The following PCDHA2 variants were observed in gnomAD, a reference collection of about 807,000 sequenced individuals.
PCDHA2 encodes protocadherin alpha-2.
PCDHA2 carries 58 observed loss-of-function variants against 66.0 expected under a neutral mutation model. The observed-to-expected ratio is 0.88, with a 90% CI of 0.71 to 1.09. PCDHA2 has a LOEUF of 1.09. Among genes scored for constraint, PCDHA2 ranks in the 50% least tolerant of loss-of-function variants. The pLI, the probability that PCDHA2 is intolerant of heterozygous loss-of-function variation, is 0.00. For synonymous variants in PCDHA2, 634 were observed against 554.0 expected (o/e 1.14, Z -2.03); for missense variants, 1,267 against 1,242.3 (o/e 1.02, Z -0.30).
intron 1 of PCDHA2, among the ~76,000 whole-genome samples, chr5:140,906,185 A>G (rs574875890): frequency 2.8e-4 from 43 of 152,270 alleles, no homozygotes; most frequent in African/African-American, 1.0e-3. Flanking sequence ...GCATCCTTCA[A>G]TCCAATCAAG....
intron 1 of PCDHA2, chr5:140,850,814 C>T: frequency 6.3e-7 from 1 of 1,598,286 alleles, no homozygotes; most frequent in South Asian, 1.1e-5. Context: ...TGGCCTTCAG[C>T]CCGGGCCTTT....
chr5:141,009,975 GTAA>G lies in PCDHA2; in HGVS notation c.*43_*45del. The G allele has an allele frequency of 6.3e-7, 1 of 1,585,060 alleles. No individual in the cohort carries two copies. Among genetic ancestry groups the G allele is most frequent in the Non-Finnish European group, 8.6e-7 (1 of 1,168,878 alleles). ...GAAACAAGCCACTTAGCCAGTTTTT[GTAA>G]TAATGGCAAATCTCTCCCATGTAGC... On this transcript the variant is annotated 3_prime_UTR_variant, in exon 4 of 4. Coordinates refer to ENST00000526136, the MANE Select transcript of PCDHA2 (RefSeq NM_018905.3).
At chr5:140,887,135 C>T (rs2061323683) in intron 1 of PCDHA2, among the ~76,000 whole-genome samples, 1 of 150,802 alleles carries the variant, frequency 6.6e-6, no homozygotes, top group Non-Finnish European at 1.5e-5. Context: ...CTCACTCTGT[C>T]GCCCAGGCTG....
chr5:140,886,827 GAA>G (rs782016620), intron 1 of PCDHA2, among the ~76,000 whole-genome samples: 14 of 60,910 alleles, frequency 2.3e-4, no homozygotes, highest in Non-Finnish European at 3.3e-4. Context: ...ACTTCGTCTT[GAA>G]AAAAAAAAAA....
At chr5:140,875,078 G>A (rs1554167473) in intron 1 of PCDHA2, among the ~76,000 whole-genome samples, 1 of 152,164 alleles carries the variant, frequency 6.6e-6, no homozygotes, top group Non-Finnish European at 1.5e-5. Flanking sequence ...AAGCTACAGC[G>A]TAATAAAATT....
At chr5:140,842,733 G>T in intron 1 of PCDHA2, 1 of 1,595,054 alleles carries the variant, frequency 6.3e-7, no homozygotes, top group Middle Eastern at 1.8e-4. Context: ...AACCCGCCGG[G>T]CTGCCACATC....
At chr5:140,988,482 C>T (rs1017365611) in intron 3 of PCDHA2, among the ~76,000 whole-genome samples, 1 of 152,152 alleles carries the variant, frequency 6.6e-6, no homozygotes, top group Non-Finnish European at 1.5e-5. Flanking sequence ...GAATTAGCAT[C>T]CCCTACCTAG....
At chr5:140,900,575 C>A (rs994036757) in intron 1 of PCDHA2, among the ~76,000 whole-genome samples, 5 of 152,330 alleles carry the variant, frequency 3.3e-5, no homozygotes, top group African/African-American at 1.2e-4. Flanking sequence ...CGGCACCGGC[C>A]CATTTTCTTT....
intron 1 of PCDHA2, chr5:140,809,386 T>A (rs1554125180): frequency 6.2e-7 from 1 of 1,614,008 alleles, no homozygotes; most frequent in African/African-American, 1.3e-5. Flanking sequence ...GCGCGTGCGC[T>A]CCGGGCAAGC....
rs782626454 is a variant in PCDHA2, at chr5:140,795,808, G to C, written c.844G>C (p.Gly282Arg). Residue 282 changes from glycine (G) to arginine (R), a missense_variant, in exon 1 of 4, where the codon GGT becomes CGT. Physicochemically the swap from Gly to Arg is moderately radical, Grantham distance 125. Transcript: ENST00000526136. ...GPNSEIVYSL[G>R]SDVSSTIQTK... ...GAACAGCGAGATTGTGTATTCACTC[G>C]GTAGTGATGTGTCCTCCACTATACA... The C allele has an allele frequency of 1.2e-6, 2 of 1,612,920 alleles. No homozygotes were observed. The highest frequency in any genetic ancestry group is 2.7e-5 in the African/African-American group (2 of 74,880).
chr5:140,870,147 A>G (rs1554163846), intron 1 of PCDHA2: 2 of 1,614,086 alleles, frequency 1.2e-6, no homozygotes, highest in Non-Finnish European at 1.7e-6. Flanking sequence ...ACTCTCCTGA[A>G]GTCGCCGTGA....
intron 1 of PCDHA2, chr5:140,871,045 G>C: frequency 6.2e-7 from 1 of 1,613,386 alleles, no homozygotes; most frequent in African/African-American, 1.3e-5. Context: ...CCGACTTCTA[G>C]TACTGGTGAA....
At chr5:140,891,218 A>G (rs1554184722) in intron 1 of PCDHA2, among the ~76,000 whole-genome samples, 1 of 152,044 alleles carries the variant, frequency 6.6e-6, no homozygotes, top group African/African-American at 2.4e-5. Flanking sequence ...CTGTGTCTTT[A>G]TAATCATCCT....
intron 1 of PCDHA2, among the ~76,000 whole-genome samples, chr5:140,888,871 T>C (rs2062016827): frequency 6.6e-6 from 1 of 152,084 alleles, no homozygotes; most frequent in African/African-American, 2.4e-5. Flanking sequence ...TGTCTCAACA[T>C]AAAAATTAAA....
At chr5:140,849,668 C>T (rs1208078689) in intron 1 of PCDHA2, 1 of 1,598,736 alleles carries the variant, frequency 6.3e-7, no homozygotes, top group Non-Finnish European at 8.6e-7. Flanking sequence ...CCCTGACGCC[C>T]CACGTCCCCT....
chr5:140,822,964 G>A, intron 1 of PCDHA2: 3 of 1,614,232 alleles, frequency 1.9e-6, no homozygotes, highest in Non-Finnish European at 2.5e-6. Flanking sequence ...CTTCAAGCTG[G>A]TGTCCACCTT....
intron 1 of PCDHA2, among the ~76,000 whole-genome samples, chr5:140,956,473 A>G (rs1269855039): frequency 1.1e-4 from 17 of 152,136 alleles, no homozygotes; most frequent in Admixed American, 1.1e-3. Context: ...CATATGTTGA[A>G]CCAGTCTTGC....
intron 1 of PCDHA2, among the ~76,000 whole-genome samples, chr5:140,935,347 T>C (rs886241397): frequency 1.3e-5 from 2 of 152,180 alleles, no homozygotes; most frequent in African/African-American, 4.8e-5. Flanking sequence ...ATACGTCAAA[T>C]CCCAGTTTTC....
chr5:140,806,841 C>G (rs559563314), intron 1 of PCDHA2: 35 of 267,634 alleles, frequency 1.3e-4, no homozygotes, highest in African/African-American at 7.7e-4. Context: ...AAGGACCACA[C>G]TCAATCAATC....
Sources: gnomAD v4.1 joint callset for allele counts (sites outside exome capture counted in the v4.1 genomes callset) on GRCh38, gnomAD v4.1.1 for gene constraint, MANE v1.5 for transcripts, NCBI Gene and HGNC (gene_info 2026-07-23, HGNC 2026-07-21) for gene names.